The following PBX2 variants were observed in gnomAD, a reference collection of about 807,000 sequenced individuals.
PBX2 encodes PBX homeobox 2.
Under a neutral mutation model 46.5 loss-of-function variants are expected in PBX2, and 10 were observed. That is an observed-to-expected ratio of 0.21 (90% confidence interval 0.13 to 0.36). The LOEUF is 0.36. Among genes scored for constraint, PBX2 ranks in the 10% least tolerant of loss-of-function variants. PBX2 has a pLI of 1.00. For synonymous variants in PBX2, 160 were observed against 222.5 expected (o/e 0.72, Z 2.50); for missense variants, 392 against 580.5 (o/e 0.68, Z 3.34).
At position 32,185,918 on chromosome 6, in the gene PBX2, TTTTGGCA is replaced by T. The variant is rs998609512; in HGVS notation, c.*457_*463del. The T allele has an allele frequency of 6.0e-6, 1 of 165,304 alleles. No individual in the cohort carries two copies. The highest frequency in any genetic ancestry group is 2.4e-5 in the African/African-American group (1 of 41,554). 10.2% of individuals were successfully genotyped at this position (165,304 alleles called of 1,614,324 possible). Reference sequence around the variant, plus strand: ...CTCTGTCCAGAAGTCATGTCCCCATTTTTGGCATCTCTGATTGGGCAGGGCTGGCGTC... The same window carrying T: ...CTCTGTCCAGAAGTCATGTCCCCATTTCTCTGATTGGGCAGGGCTGGCGTC... On this transcript the variant is annotated 3_prime_UTR_variant, in exon 9 of 9. Transcript: ENST00000375050.
chr6:32,186,726 A>C lies in PBX2; in HGVS notation c.1114-36T>G, dbSNP rs778569205. ...CAGAGGAAGGTATGACAGTGAAGAG[A>C]AGCCTCAGAGGAAAGAGGTCTTGTA... On this transcript the variant is annotated intron_variant, in intron 7 of 8. Transcript: ENST00000375050. This position sits in a 1 kb window ranked among gnomAD's most constrained non-coding sequence, Gnocchi z 4.2. 6.3e-7 allele frequency: 1 copy of C among 1,599,910 alleles called. No homozygotes were observed. Among genetic ancestry groups the C allele is most frequent in the East Asian group, 2.2e-5 (1 of 44,812 alleles).
rs767044771 is a variant in PBX2 at position 32,189,120 on chromosome 6, A to C, written c.222-324T>G. On this transcript the variant is annotated intron_variant, in intron 1 of 8. Coordinates refer to ENST00000375050, the MANE Select transcript of PBX2 (RefSeq NM_002586.5). The surrounding 1 kb of genome is among the most constrained non-coding windows in gnomAD (Gnocchi z 4.7). ...AAGTGACTTGGTAGGTTTCAGAGGG[A>C]GAGAGACAGAGGCTGGGGTTGAGAA... The C allele has an allele frequency of 8.6e-6, 4 of 463,472 alleles. No homozygotes were observed. The highest frequency in any genetic ancestry group is 1.2e-5 in the Non-Finnish European group (3 of 254,772). The allele number at this position is 463,472 out of a possible 1,614,324, so 28.7% of individuals were successfully genotyped here. A position where few individuals can be genotyped will look rare whatever the true frequency, so the allele number is the denominator to read the frequency against.
Position 32,187,940 on chromosome 6 carries a change from G to GGCCA in PBX2, c.734+22_734+25dup. 1 of 1,524,690 alleles carries GGCCA rather than the reference G, an allele frequency of 6.6e-7. No individual in the cohort carries two copies. The highest frequency in any genetic ancestry group is 8.8e-7 in the Non-Finnish European group (1 of 1,131,460). The allele number at this position is 1,524,690 out of a possible 1,614,324, so 94.4% of individuals were successfully genotyped here. On this transcript the variant is annotated intron_variant, in intron 4 of 8. Coordinates refer to ENST00000375050, the MANE Select transcript of PBX2 (RefSeq NM_002586.5). This position sits in a 1 kb window ranked among gnomAD's most constrained non-coding sequence, Gnocchi z 7.7. ...GAATGGGAAGGAGCCCAGTGCTGGG[G>GGCCA]GCCAGCCTGGGGTCCCTGGGCCCAC...
rs1787137567 is a variant in PBX2, at chr6:32,186,304, G to A, written c.*78C>T. 1 of 951,284 alleles carries A rather than the reference G, an allele frequency of 1.1e-6. No homozygotes were observed. Among genetic ancestry groups the A allele is most frequent in the Non-Finnish European group, 1.7e-6 (1 of 596,618 alleles). 58.9% of individuals were successfully genotyped at this position (951,284 alleles called of 1,614,324 possible). Reference sequence around the variant, plus strand: ...CTGTCTTGTGCTTCTCCTGTATTGGGGTTTGTCCTCTGGAAGCCTGCGTCC... The same window carrying A: ...CTGTCTTGTGCTTCTCCTGTATTGGAGTTTGTCCTCTGGAAGCCTGCGTCC... On this transcript the variant is annotated 3_prime_UTR_variant, in exon 9 of 9. Coordinates refer to ENST00000375050, the MANE Select transcript of PBX2 (RefSeq NM_002586.5). This position sits in a 1 kb window ranked among gnomAD's most constrained non-coding sequence, Gnocchi z 4.2.
In PBX2 at chr6:32,188,459, T is replaced by C. The variant is rs1230730178; in HGVS notation, c.341A>G (p.Gln114Arg). Residue 114 changes from glutamine (Q) to arginine (R), a missense_variant, in exon 3 of 9, where the codon CAG (glutamine) becomes CGG (arginine). This residue lies in a region of PBX2 where 196 missense variants were observed against 246.9 expected (regional missense o/e 0.79). Transcript: ENST00000375050. This position sits in a 1 kb window ranked among gnomAD's most constrained non-coding sequence, Gnocchi z 6.5. The stretch of plus-strand genomic sequence containing the variant: ...AAGCATGTTGTCCAAGCGCATCAGC[T>C]GTGGGTCCACCGGCTCCTCCTCCTG... ...SSQEEEPVDP[Q>R]LMRLDNMLLA... 1.2e-6 allele frequency: 2 copies of C among 1,613,952 alleles called. No individual in the cohort carries two copies. Among genetic ancestry groups the C allele is most frequent in the Non-Finnish European group, 1.7e-6 (2 of 1,180,008 alleles).
At position 32,186,525 on chromosome 6, in the gene PBX2, T is replaced by A; in HGVS notation, c.1201-51A>T. ...AACAGAGAAAGCCCTGGGAACCCTGTGTGGGCACAACATTACTAGGGAAAA... is the reference window on the plus strand; with the variant it reads ...AACAGAGAAAGCCCTGGGAACCCTGAGTGGGCACAACATTACTAGGGAAAA... On this transcript the variant is annotated intron_variant, in intron 8 of 8. Coordinates refer to ENST00000375050, the MANE Select transcript of PBX2 (RefSeq NM_002586.5). This position sits in a 1 kb window ranked among gnomAD's most constrained non-coding sequence, Gnocchi z 4.2. 2.5e-6 allele frequency: 4 copies of A among 1,583,602 alleles called. No individual in the cohort carries two copies. In the South Asian group the frequency reaches 4.4e-5, roughly 18 times the overall value.
chr6:32,187,034 A>G lies in PBX2; in HGVS notation c.1025-133T>C. The G allele has an allele frequency of 9.6e-7, 1 of 1,046,742 alleles. No homozygotes were observed. The highest frequency in any genetic ancestry group is 1.4e-6 in the Non-Finnish European group (1 of 707,314). 64.8% of individuals were successfully genotyped at this position (1,046,742 alleles called of 1,614,324 possible). On this transcript the variant is annotated intron_variant, in intron 6 of 8. Transcript: ENST00000375050. This position sits in a 1 kb window ranked among gnomAD's most constrained non-coding sequence, Gnocchi z 7.7. ...AAATAACATTCCAACACACAGAAAG[A>G]GCAGGCTGTTCCTTGGCCACCCGTG...
At position 32,186,502 on chromosome 6, in the gene PBX2, C is replaced by T; in HGVS notation, c.1201-28G>A. The T allele has an allele frequency of 2.5e-6, 4 of 1,606,958 alleles. No homozygotes were observed. The highest frequency in any genetic ancestry group is 2.6e-6 in the Non-Finnish European group (3 of 1,173,708). ...GAAAGGAGAGACAGAGTACAGAAAA[C>T]AGAGAAAGCCCTGGGAACCCTGTGT... On this transcript the variant is annotated intron_variant, in intron 8 of 8. Coordinates refer to ENST00000375050, the MANE Select transcript of PBX2 (RefSeq NM_002586.5). The surrounding 1 kb of genome is among the most constrained non-coding windows in gnomAD (Gnocchi z 4.2).
chr6:32,187,734 C>T lies in PBX2; in HGVS notation c.783G>A (p.Glu261=). 6.2e-7 allele frequency: 1 copy of T among 1,612,180 alleles called. No homozygotes were observed. The highest frequency in any genetic ancestry group is 8.5e-7 in the Non-Finnish European group (1 of 1,179,710). The change falls in exon 5 of 9, where the codon GAG becomes GAA. Residue 261 remains glutamate (E), a synonymous_variant. Coordinates refer to ENST00000375050, the MANE Select transcript of PBX2 (RefSeq NM_002586.5). This position sits in a 1 kb window ranked among gnomAD's most constrained non-coding sequence, Gnocchi z 7.7. ...GGTTACTCAGGTGGGAGTAGAAATA[C>T]TCATTTAGGACCTCAGTGGCCTGTT... is the stretch of plus-strand genomic sequence containing the variant. ...FSKQATEVLN[E]YFYSHLSNPY...
At position 32,189,920 on chromosome 6, in the gene PBX2, G is replaced by T. The variant is rs761576178; in HGVS notation, c.-5C>A. 5 of 915,356 alleles carry T rather than the reference G, an allele frequency of 5.5e-6. No individual in the cohort carries two copies. Among genetic ancestry groups the T allele is most frequent in the African/African-American group, 2.3e-5 (1 of 44,084 alleles). The allele number at this position is 915,356 out of a possible 1,614,324, so 56.7% of individuals were successfully genotyped here. On this transcript the variant is annotated 5_prime_UTR_variant, in exon 1 of 9. Coordinates refer to ENST00000375050, the MANE Select transcript of PBX2 (RefSeq NM_002586.5). This position sits in a 1 kb window ranked among gnomAD's most constrained non-coding sequence, Gnocchi z 4.7. ...CCCCAGTAGCCGTTCGTCCATAGCT[G>T]GGGGGGGGCCCTGAGGCCCCCTCCC...
rs1180489011 is a variant in PBX2, at chr6:32,186,130, TAAGA to T, written c.*248_*251del. 1.6e-5 allele frequency: 9 copies of T among 560,294 alleles called. No homozygotes were observed. Among genetic ancestry groups the T allele is most frequent in the Non-Finnish European group, 2.9e-5 (9 of 314,464 alleles). The allele number at this position is 560,294 out of a possible 1,614,324, so 34.7% of individuals were successfully genotyped here. ...TTCTCGGTATGTGTATGTTTCTGTGTAAGAAAGAAAGCGAGAGAGGAAAAAGATG... is the reference window on the plus strand; with the variant it reads ...TTCTCGGTATGTGTATGTTTCTGTGTAAGAAAGCGAGAGAGGAAAAAGATG... On this transcript the variant is annotated 3_prime_UTR_variant, in exon 9 of 9. Transcript: ENST00000375050. The surrounding 1 kb of genome is among the most constrained non-coding windows in gnomAD (Gnocchi z 4.2).
At position 32,189,921 on chromosome 6, in the gene PBX2, G is replaced by GC. The variant is rs1452770516; in HGVS notation, c.-7_-6insG. ...CCCAGTAGCCGTTCGTCCATAGCTG[G>GC]GGGGGGGCCCTGAGGCCCCCTCCCT... On this transcript the variant is annotated 5_prime_UTR_variant, in exon 1 of 9. Transcript: ENST00000375050. This position sits in a 1 kb window ranked among gnomAD's most constrained non-coding sequence, Gnocchi z 4.7. 4.8e-6 allele frequency: 6 copies of GC among 1,253,744 alleles called. No homozygotes were observed. In the South Asian group the frequency reaches 8.3e-5, roughly 17 times the overall value. The allele number at this position is 1,253,744 out of a possible 1,614,324, so 77.7% of individuals were successfully genotyped here.
chr6:32,188,323 C>A lies in PBX2; in HGVS notation c.477G>T (p.Ser159=). 1.9e-6 allele frequency: 3 copies of A among 1,614,080 alleles called. No individual in the cohort carries two copies. The highest frequency in any genetic ancestry group is 2.5e-6 in the Non-Finnish European group (3 of 1,180,018). The change falls in exon 3 of 9, where the codon TCG becomes TCT. Residue 159 remains serine (S), a synonymous_variant. Coordinates refer to ENST00000375050, the MANE Select transcript of PBX2 (RefSeq NM_002586.5). The surrounding 1 kb of genome is among the most constrained non-coding windows in gnomAD (Gnocchi z 6.5). ...GVSPDNSIEH[S]DYRSKLAQIR... ...TCTGGGCAAGTTTGCTGCGATAGTC[C>A]GAGTGTTCGATGGAGTTGTCAGGGG... is the stretch of plus-strand genomic sequence containing the variant.
chr6:32,187,131 T>C lies in PBX2; in HGVS notation c.1024+111A>G. ...ACATCTCCAGCCTATCTCAGCTCGG[T>C]CCCTCTCACCCCAAAAGGCCCCCTC... On this transcript the variant is annotated intron_variant, in intron 6 of 8. Transcript: ENST00000375050. This position sits in a 1 kb window ranked among gnomAD's most constrained non-coding sequence, Gnocchi z 7.7. The C allele has an allele frequency of 7.3e-7, 1 of 1,362,764 alleles. No homozygotes were observed. Among genetic ancestry groups the C allele is most frequent in the Non-Finnish European group, 1.0e-6 (1 of 981,924 alleles). The allele number at this position is 1,362,764 out of a possible 1,614,324, so 84.4% of individuals were successfully genotyped here. A position where few individuals can be genotyped will look rare whatever the true frequency, so the allele number is the denominator to read the frequency against.
In PBX2 at chr6:32,186,814, T is replaced by A. The variant is rs1468146351; in HGVS notation, c.1112A>T (p.Gln371Leu). 5.0e-6 allele frequency: 8 copies of A among 1,613,752 alleles called. No homozygotes were observed. The highest frequency in any genetic ancestry group is 6.8e-6 in the Non-Finnish European group (8 of 1,179,816). ...GLNGDSYSAS[Q>L]VESLRHSMGP... ...TTCGAGAGGAGATGGGCATCTGACC[T>A]GGGAAGCAGAATAGGAATCTCCGTT... Residue 371 changes from glutamine (Q) to leucine (L), a missense_variant and splice_region_variant, in exon 7 of 9, where the codon CAG becomes CTG. Around this residue, in one of 3 missense-constraint regions of PBX2, gnomAD observed 116 missense variants for 157.9 expected, o/e 0.73. Transcript: ENST00000375050. This position sits in a 1 kb window ranked among gnomAD's most constrained non-coding sequence, Gnocchi z 4.2.
In PBX2 at chr6:32,188,550, C is replaced by G; in HGVS notation, c.296-46G>C. 6.2e-7 allele frequency: 1 copy of G among 1,600,432 alleles called. No individual in the cohort carries two copies. The highest frequency in any genetic ancestry group is 1.7e-4 in the Middle Eastern group (1 of 5,990). On this transcript the variant is annotated intron_variant, in intron 2 of 8. Coordinates refer to ENST00000375050, the MANE Select transcript of PBX2 (RefSeq NM_002586.5). The surrounding 1 kb of genome is among the most constrained non-coding windows in gnomAD (Gnocchi z 6.5). ...CTTAGGGACCCAGAGACCCCAATACCCAGTGCTCAGTCCTCCTGGTGCTTC... is the reference window on the plus strand; with the variant it reads ...CTTAGGGACCCAGAGACCCCAATACGCAGTGCTCAGTCCTCCTGGTGCTTC...
In PBX2 at chr6:32,189,005, G is replaced by A; in HGVS notation, c.222-209C>T. ...CTCCTCAGCTTCAGGGAGACACAGG[G>A]AAGATGCAGGCAGCAGGTTAAAGGC... is the stretch of plus-strand genomic sequence containing the variant. On this transcript the variant is annotated intron_variant, in intron 1 of 8. Transcript: ENST00000375050. The surrounding 1 kb of genome is among the most constrained non-coding windows in gnomAD (Gnocchi z 4.7). The A allele has an allele frequency of 6.9e-6, 4 of 581,088 alleles. No homozygotes were observed. Among genetic ancestry groups the A allele is most frequent in the Non-Finnish European group, 1.2e-5 (4 of 323,612 alleles). 36.0% of individuals were successfully genotyped at this position (581,088 alleles called of 1,614,324 possible).
Position 32,186,486 on chromosome 6 carries a change from G to T in PBX2, c.1201-12C>A, listed in dbSNP as rs1336324829. The T allele has an allele frequency of 3.1e-6, 5 of 1,611,994 alleles. No individual in the cohort carries two copies. Among genetic ancestry groups the T allele is most frequent in the Non-Finnish European group, 4.2e-6 (5 of 1,178,320 alleles). On this transcript the variant is annotated splice_polypyrimidine_tract_variant and intron_variant, in intron 8 of 8. Coordinates refer to ENST00000375050, the MANE Select transcript of PBX2 (RefSeq NM_002586.5). This position sits in a 1 kb window ranked among gnomAD's most constrained non-coding sequence, Gnocchi z 4.2. ...CAGCTGCCATTTGCCTGAAAGGAGA[G>T]ACAGAGTACAGAAAACAGAGAAAGC...
Position 32,185,738 on chromosome 6 carries a change from T to TC in PBX2, c.*643dup. On this transcript the variant is annotated 3_prime_UTR_variant, in exon 9 of 9. Transcript: ENST00000375050. The stretch of plus-strand genomic sequence containing the variant: ...TCAACCCCAAAGCCCAGTCAATAAT[T>TC]CCCTAAAGTAGCAGAAACTCCCTCC... 1 of 152,134 alleles carries TC rather than the reference T, an allele frequency of 6.6e-6. No individual in the cohort carries two copies. Among genetic ancestry groups the TC allele is most frequent in the East Asian group, 1.9e-4 (1 of 5,178 alleles). 9.4% of individuals were successfully genotyped at this position (152,134 alleles called of 1,614,324 possible).
Sources: gnomAD v4.1 joint callset for allele counts on GRCh38, gnomAD v4.1.1 for gene constraint, gnomAD v4.1.1 regional missense constraint, Gnocchi (gnomAD v3.1) non-coding constraint, MANE v1.5 for transcripts, NCBI Gene and HGNC (gene_info 2026-07-23, HGNC 2026-07-21) for gene names.